Variants in FSAF1 observed in about 807,000 individuals in gnomAD.
FSAF1 encodes the protein uncharacterized protein C1orf131.
chr1:231,226,654 A>G, the FSAF1 span: 1 of 1,260,268 alleles, frequency 7.9e-7, no homozygotes, highest in East Asian at 2.3e-5. Context: ...ATTGCTCTCC[A>G]AGCAGCGGCT....
chr1:231,228,950 T>C, the FSAF1 span, among the ~76,000 whole-genome samples: 1 of 152,158 alleles, frequency 6.6e-6, no homozygotes, highest in Admixed American at 6.5e-5. Context: ...GATGGTGCCA[T>C]TGCACTCAAG....
At chr1:231,236,553 T>C in the FSAF1 span, 10 of 152,176 alleles carry the variant, frequency 6.6e-5, no homozygotes, top group African/African-American at 2.2e-4. Flanking sequence ...AGATGTTCTA[T>C]TATTAAGCAA....
chr1:231,224,395 C>T, the FSAF1 span: 23 of 1,603,012 alleles, frequency 1.4e-5, no homozygotes, highest in African/African-American at 1.4e-4. Flanking sequence ...ATACTGGGAG[C>T]GGACTTCTTT....
chr1:231,227,585 G>GTTTTTTTT, the FSAF1 span, among the ~76,000 whole-genome samples: 4 of 102,120 alleles, frequency 3.9e-5, no homozygotes, highest in Non-Finnish European at 5.7e-5. Context: ...CTCGCCCACG[G>GTTTTTTTT]TTTTTTTTTT....
the FSAF1 span, among the ~76,000 whole-genome samples, chr1:231,233,026 A>G: frequency 6.6e-6 from 1 of 152,140 alleles, no homozygotes; most frequent in African/African-American, 2.4e-5. Context: ...ACACTGATCT[A>G]CTCAGGAACA....
At chr1:231,237,544 A>G in the FSAF1 span, 1 of 152,396 alleles carries the variant, frequency 6.6e-6, no homozygotes, top group East Asian at 1.9e-4. Context: ...CCACATTAAG[A>G]CGGAGGCAGA....
chr1:231,229,134 A>G, the FSAF1 span: 4 of 1,446,776 alleles, frequency 2.8e-6, no homozygotes, highest in Admixed American at 5.6e-5. Context: ...TAATTTAACA[A>G]TCTCAAAGTA....
At chr1:231,225,106 C>A in the FSAF1 span, 1 of 242,406 alleles carries the variant, frequency 4.1e-6, no homozygotes, top group Non-Finnish European at 8.0e-6. Flanking sequence ...GTCAACATCC[C>A]TTATTCATAA....
At chr1:231,231,415 G>A in the FSAF1 span, among the ~76,000 whole-genome samples, 5 of 152,132 alleles carry the variant, frequency 3.3e-5, no homozygotes, top group Middle Eastern at 3.4e-3. Context: ...GATATTTACC[G>A]CCTTTTCTAA....
the FSAF1 span, chr1:231,238,095 T>C: frequency 6.6e-6 from 1 of 151,590 alleles, no homozygotes; most frequent in Non-Finnish European, 1.5e-5. Flanking sequence ...GGCAGAAGAA[T>C]GGCATGAACC....
the FSAF1 span, chr1:231,239,113 G>A: frequency 1.2e-5 from 19 of 1,613,068 alleles, no homozygotes; most frequent in South Asian, 3.3e-5. Flanking sequence ...CAAGGCCGCT[G>A]AAGCCATCAC....
the FSAF1 span, chr1:231,238,892 T>C: frequency 1.9e-6 from 3 of 1,613,742 alleles, no homozygotes; most frequent in African/African-American, 4.0e-5. Context: ...GTCAATTTTC[T>C]TTTTTTATTG....
At chr1:231,235,137 A>G in the FSAF1 span, among the ~76,000 whole-genome samples, 708 of 152,346 alleles carry the variant, frequency 4.6e-3, 1 homozygote, top group African/African-American at 0.016. Context: ...GATTGGTGGA[A>G]TAAATGGAGG....
the FSAF1 span, among the ~76,000 whole-genome samples, chr1:231,239,794 A>T: frequency 6.6e-6 from 1 of 152,220 alleles, no homozygotes. Flanking sequence ...TATGCTTGCT[A>T]CTATTTGCTT....
the FSAF1 span, among the ~76,000 whole-genome samples, chr1:231,240,523 A>G: frequency 6.6e-6 from 1 of 152,166 alleles, no homozygotes; most frequent in East Asian, 1.9e-4. The surrounding 1 kb of genome is among the most constrained non-coding windows in gnomAD (Gnocchi z 4.1). Flanking sequence ...GTAAAAGATC[A>G]GCGCACTTGT....
chr1:231,241,111 T>C, the FSAF1 span: 74 of 1,613,546 alleles, frequency 4.6e-5, no homozygotes, highest in Non-Finnish European at 3.5e-5. Flanking sequence ...TCCTGCGACA[T>C]TGTGGGGTCA....
At chr1:231,225,113 A>G in the FSAF1 span, 5 of 254,032 alleles carry the variant, frequency 2.0e-5, no homozygotes, top group African/African-American at 4.4e-5. Context: ...TCCCTTATTC[A>G]TAATTACGGT....
chr1:231,228,957 C>G, the FSAF1 span, among the ~76,000 whole-genome samples: 21 of 152,172 alleles, frequency 1.4e-4, no homozygotes, highest in Admixed American at 1.4e-3. Context: ...CCATTGCACT[C>G]AAGCCTGGGC....
chr1:231,231,742 C>T, the FSAF1 span, among the ~76,000 whole-genome samples: 12 of 152,224 alleles, frequency 7.9e-5, no homozygotes, highest in African/African-American at 2.6e-4. Context: ...GGAAAGAGAC[C>T]GGCCTACAAA....
Sources: gnomAD v4.1 joint callset for allele counts (sites outside exome capture counted in the v4.1 genomes callset) on GRCh38, gnomAD v4.1.1 for gene constraint, Gnocchi (gnomAD v3.1) non-coding constraint, MANE v1.5 for transcripts, NCBI Gene and HGNC (gene_info 2026-07-23, HGNC 2026-07-21) for gene names.